The following WDR73 variants were observed in gnomAD, a reference collection of about 807,000 sequenced individuals.
The protein encoded by WDR73 is WD repeat domain 73.
A neutral mutation model predicts 38.2 loss-of-function variants in WDR73; 30 were observed. The ratio of observed to expected loss-of-function variants is 0.79; its 90% CI spans 0.59 to 1.06. The LOEUF is 1.06. WDR73 is among the 50% of genes least tolerant of loss of function. WDR73 has a pLI of 0.00. For missense variants in WDR73, 487 were observed against 467.0 expected (o/e 1.04, Z -0.40); for synonymous variants, 197 against 176.0 (o/e 1.12, Z -0.94).
rs1896328720 is a variant in WDR73, at chr15:84,643,431, C to T, written c.*39G>A. 5 of 1,545,886 alleles carry T rather than the reference C, an allele frequency of 3.2e-6. No individual in the cohort carries two copies. Among genetic ancestry groups the T allele is most frequent in the South Asian group, 1.2e-5 (1 of 83,570 alleles). Reference sequence around the variant, plus strand: ...GAGCACCCTTGCTACTACAGCAGCTCCTCCCCTTTCTAGAGGCCTAGATGG... The same window carrying T: ...GAGCACCCTTGCTACTACAGCAGCTTCTCCCCTTTCTAGAGGCCTAGATGG... On this transcript the variant is annotated 3_prime_UTR_variant, in exon 8 of 8. Coordinates refer to ENST00000434634, the MANE Select transcript of WDR73 (RefSeq NM_032856.5).
rs149419113 is a variant in WDR73, at chr15:84,651,468, C to A, written c.198+1246G>T. Among the ~76,000 whole-genome samples the A allele has an allele frequency of 6.6e-3, 1,004 of 152,190 alleles. 7 individuals are homozygous for A. Among genetic ancestry groups the A allele is most frequent in the Non-Finnish European group, 0.01 (700 of 68,004 alleles). On this transcript the variant is annotated intron_variant, in intron 3 of 7. Coordinates refer to ENST00000434634, the MANE Select transcript of WDR73 (RefSeq NM_032856.5). ...CAGGAGCAAACACTCAAATTCCTGCCCCCACATGGCCCTTCAAGGTCATCT... is the reference window on the plus strand; with the variant it reads ...CAGGAGCAAACACTCAAATTCCTGCACCCACATGGCCCTTCAAGGTCATCT...
At chr15:84,645,142 G>T (rs1486002379) in intron 7 of WDR73, 1 of 1,110,860 alleles carries the variant, frequency 9.0e-7, no homozygotes, top group Admixed American at 3.7e-5. Context: ...AGTAGGGACG[G>T]GGTTTCACCG....
rs1263250206 is a variant in WDR73, at chr15:84,645,701, C to T, written c.653G>A (p.Gly218Asp). Residue 218 changes from glycine (G) to aspartate (D), a missense_variant, in exon 7 of 8, where the codon GGC (glycine) becomes GAC (aspartate). By Grantham distance (94) the Gly-to-Asp change is moderately conservative (BLOSUM62 -1). Coordinates refer to ENST00000434634, the MANE Select transcript of WDR73 (RefSeq NM_032856.5). ...CCATCTCTCTCCACCAGACCCAGGG[C>T]CAGGGCTGCGATTCTCCAACGGTGC... ...KWAPLENRSP[G>D]PGSGGERWCA... 6.2e-7 allele frequency: 1 copy of T among 1,609,424 alleles called. No individual in the cohort carries two copies. Among genetic ancestry groups the T allele is most frequent in the Non-Finnish European group, 8.5e-7 (1 of 1,177,990 alleles).
At chr15:84,645,391 T>C (rs1239906286) in intron 7 of WDR73, 80 bp downstream of exon 7, 1 of 1,581,184 alleles carries the variant, frequency 6.3e-7, no homozygotes, top group Admixed American at 1.8e-5. Context: ...ATCATGGTGC[T>C]GGAGGCTCCT....
rs1166894830 is a variant in WDR73, at chr15:84,654,226, C to G, written c.41+8G>C. The G allele has an allele frequency of 3.7e-6, 6 of 1,613,834 alleles. No homozygotes were observed. Among genetic ancestry groups the G allele is most frequent in the African/African-American group, 1.3e-5 (1 of 74,948 alleles). ...CCAGCTCCCATGTCCCAGCCCCGTA[C>G]GATTTACAAGCGCAAGGATTCCACC... On this transcript the variant is annotated splice_region_variant and intron_variant, in intron 1 of 7. Coordinates refer to ENST00000434634, the MANE Select transcript of WDR73 (RefSeq NM_032856.5).
rs1174059427 is a variant in WDR73 at position 84,642,839 on chromosome 15, A to T, written c.*631T>A. On this transcript the variant is annotated 3_prime_UTR_variant, in exon 8 of 8. Coordinates refer to ENST00000434634, the MANE Select transcript of WDR73 (RefSeq NM_032856.5). ...TGGTCTCAAACTCCTCAGCTCAAGC[A>T]ATCTGCCCACCTCAGCCTCTGAAAG... 2 of 151,756 alleles carry T rather than the reference A, an allele frequency of 1.3e-5. No individual in the cohort carries two copies. Among genetic ancestry groups the T allele is most frequent in the Admixed American group, 6.6e-5 (1 of 15,196 alleles). 9.4% of individuals were successfully genotyped at this position (151,756 alleles called of 1,614,324 possible).
rs1046475385 is a variant in WDR73 at position 84,641,108 on chromosome 15, A to C, written c.*2362T>G. The C allele has an allele frequency of 6.6e-6, 1 of 150,814 alleles. No homozygotes were observed. The highest frequency in any genetic ancestry group is 6.6e-5 in the Admixed American group (1 of 15,246). 9.3% of individuals were successfully genotyped at this position (150,814 alleles called of 1,614,324 possible). Reference sequence around the variant, plus strand: ...TGTCACTTCCAGACATGGGAGCAGAAAGTGAATTTCAGAACTCCATGTCCC... The same window carrying C: ...TGTCACTTCCAGACATGGGAGCAGACAGTGAATTTCAGAACTCCATGTCCC... On this transcript the variant is annotated 3_prime_UTR_variant, in exon 8 of 8. Coordinates refer to ENST00000434634, the MANE Select transcript of WDR73 (RefSeq NM_032856.5).
rs1040789973 is a variant in WDR73, at chr15:84,641,335, A to T, written c.*2135T>A. Reference sequence around the variant, plus strand: ...GGATTCTAAACTCGGACAAGCCAGCACTGGTTAAGGGCTGAGGGGAACCAG... The same window carrying T: ...GGATTCTAAACTCGGACAAGCCAGCTCTGGTTAAGGGCTGAGGGGAACCAG... On this transcript the variant is annotated 3_prime_UTR_variant, in exon 8 of 8. Transcript: ENST00000434634. 6.6e-6 allele frequency: 1 copy of T among 152,160 alleles called. No homozygotes were observed. 9.4% of individuals were successfully genotyped at this position (152,160 alleles called of 1,614,324 possible). A position where few individuals can be genotyped will look rare whatever the true frequency, so the allele number is the denominator to read the frequency against.
In WDR73 at chr15:84,643,608, TA is replaced by T; in HGVS notation, c.998del (p.Leu333GlnfsTer70). 1 of 1,612,922 alleles carries T rather than the reference TA, an allele frequency of 6.2e-7. No homozygotes were observed. The highest frequency in any genetic ancestry group is 8.5e-7 in the Non-Finnish European group (1 of 1,179,472). On this transcript the variant is annotated frameshift_variant, in exon 8 of 8. Coordinates refer to ENST00000434634, the MANE Select transcript of WDR73 (RefSeq NM_032856.5). LOFTEE classifies it high-confidence loss of function. ...PLFTHRGHIF[L>X]DGNGMDPAPL... The stretch of plus-strand genomic sequence containing the variant: ...GAGCAGGGTCCATCCCATTTCCATC[TA>T]GGAAGATGTGACCTCTGTGAGTGAA...
In WDR73 at chr15:84,643,199, A is replaced by C. The variant is rs1896320463; in HGVS notation, c.*271T>G. 2.1e-6 allele frequency: 1 copy of C among 474,046 alleles called. No individual in the cohort carries two copies. Among genetic ancestry groups the C allele is most frequent in the South Asian group, 2.8e-5 (1 of 35,766 alleles). 29.4% of individuals were successfully genotyped at this position (474,046 alleles called of 1,614,324 possible). On this transcript the variant is annotated 3_prime_UTR_variant, in exon 8 of 8. Transcript: ENST00000434634. ...CTATGATAGTGTGAAGACAGGGACA[A>C]AACGCTACCATTTCACACTCCCAGA...
At chr15:84,645,417 A>C (rs1471225227) in intron 7 of WDR73, 54 bp downstream of exon 7, 1 of 1,602,046 alleles carries the variant, frequency 6.2e-7, no homozygotes, top group East Asian at 2.3e-5. Context: ...AGCACCCAAC[A>C]GTCTCCTGGA....
Position 84,654,247 on chromosome 15 carries a change from C to G in WDR73, c.28G>C (p.Glu10Gln), listed in dbSNP as rs1896722352. Residue 10 changes from glutamate to glutamine, a missense_variant, in exon 1 of 8, where the codon GAA (glutamate) becomes CAA (glutamine). Transcript: ENST00000434634. ...CGTACGATTTACAAGCGCAAGGATTCCACCAGCCAGTCGTCCCCAGGATCC... is the reference window on the plus strand; with the variant it reads ...CGTACGATTTACAAGCGCAAGGATTGCACCAGCCAGTCGTCCCCAGGATCC... MDPGDDWLV[E>Q]SLRLYQDFYA... 6.2e-7 allele frequency: 1 copy of G among 1,613,984 alleles called. No homozygotes were observed. Among genetic ancestry groups the G allele is most frequent in the Non-Finnish European group, 8.5e-7 (1 of 1,179,832 alleles).
At chr15:84,646,133 G>C in intron 6 of WDR73, 51 bp downstream of exon 6, 1 of 1,609,948 alleles carries the variant, frequency 6.2e-7, no homozygotes, top group South Asian at 1.1e-5. Flanking sequence ...GAGTTGGGCT[G>C]GGGGGTGATG....
chr15:84,647,757 A>C, intron 5 of WDR73, 133 bp downstream of exon 5: 1 of 859,478 alleles, frequency 1.2e-6, no homozygotes. Context: ...TCAGCCTCCC[A>C]AAGTGCTACA....
Position 84,641,273 on chromosome 15 carries a change from A to C in WDR73, c.*2197T>G, listed in dbSNP as rs1224811294. 6.6e-6 allele frequency: 1 copy of C among 152,194 alleles called. No homozygotes were observed. The highest frequency in any genetic ancestry group is 1.5e-5 in the Non-Finnish European group (1 of 68,046). The allele number at this position is 152,194 out of a possible 1,614,324, so 9.4% of individuals were successfully genotyped here. On this transcript the variant is annotated 3_prime_UTR_variant, in exon 8 of 8. Coordinates refer to ENST00000434634, the MANE Select transcript of WDR73 (RefSeq NM_032856.5). ...AAACGTCCAGTGCAGGTGGGAAATG[A>C]ATGGGAGCTAGCATTCCACCAACAA...
Position 84,643,606 on chromosome 15 carries a change from T to A in WDR73, c.1001A>T (p.Asp334Val), listed in dbSNP as rs72750868. ...LFTHRGHIFL[D>V]GNGMDPAPLV... is the part of the protein sequence containing the mutation. Reference sequence around the variant, plus strand: ...AGGAGCAGGGTCCATCCCATTTCCATCTAGGAAGATGTGACCTCTGTGAGT... The same window carrying A: ...AGGAGCAGGGTCCATCCCATTTCCAACTAGGAAGATGTGACCTCTGTGAGT... Residue 334 changes from aspartate (D) to valine (V), a missense_variant, in exon 8 of 8, where the codon GAT becomes GTT. Coordinates refer to ENST00000434634, the MANE Select transcript of WDR73 (RefSeq NM_032856.5). 1 of 1,612,618 alleles carries A rather than the reference T, an allele frequency of 6.2e-7. No homozygotes were observed. The highest frequency in any genetic ancestry group is 8.5e-7 in the Non-Finnish European group (1 of 1,179,290).
intron 7 of WDR73, chr15:84,644,144 T>G (rs1446218867): frequency 6.1e-6 from 1 of 162,852 alleles, no homozygotes; most frequent in Non-Finnish European, 1.3e-5. Flanking sequence ...ACACAGATAC[T>G]GTTATTTTAC....
intron 5 of WDR73, chr15:84,647,512 TGGAGACG>T: frequency 5.2e-6 from 1 of 191,858 alleles, no homozygotes; most frequent in Non-Finnish European, 1.1e-5. Context: ...CTTTTTTTTT[TGGAGACG>T]GAGTTTTGCT....
chr15:84,643,870 G>C lies in WDR73; in HGVS notation c.884-147C>G, dbSNP rs375530533. 10 of 999,012 alleles carry C rather than the reference G, an allele frequency of 1.0e-5. No individual in the cohort carries two copies. The East Asian group carries it at 2.2e-4, about 22-fold the overall frequency. The allele number at this position is 999,012 out of a possible 1,614,324, so 61.9% of individuals were successfully genotyped here. A position where few individuals can be genotyped will look rare whatever the true frequency, so the allele number is the denominator to read the frequency against. On this transcript the variant is annotated intron_variant, in intron 7 of 7. Coordinates refer to ENST00000434634, the MANE Select transcript of WDR73 (RefSeq NM_032856.5). ...AGCCTCAAGCGATCCTCCCATCTCA[G>C]CCTCCCAAAATGCTGGGATTACAGG...
Sources: gnomAD v4.1 joint callset for allele counts (sites outside exome capture counted in the v4.1 genomes callset) on GRCh38, gnomAD v4.1.1 for gene constraint, MANE v1.5 for transcripts, NCBI Gene and HGNC (gene_info 2026-07-23, HGNC 2026-07-21) for gene names.